ZC3H12B: variants seen among roughly 807,000 people sequenced by gnomAD.
The protein encoded by ZC3H12B is zinc finger CCCH-type containing 12B, also known as probable ribonuclease ZC3H12B.
A neutral mutation model predicts 43.9 loss-of-function variants in ZC3H12B; 7 were observed. That is an observed-to-expected ratio of 0.16 (90% confidence interval 0.09 to 0.30). The LOEUF is 0.30. ZC3H12B is among the 10% of genes least tolerant of loss of function. The probability of loss-of-function intolerance (pLI) is 1.00; values close to 1 mark genes in which losing one functional copy is unlikely to be tolerated. For synonymous variants in ZC3H12B, 222 were observed against 241.7 expected, an observed-to-expected ratio of 0.92 and a Z score of 0.76; for missense variants, 475 against 670.2, an observed-to-expected ratio of 0.71 and a Z score of 3.22.
intron 3 of ZC3H12B, among the ~76,000 whole-genome samples, chrX:65,454,250 C>T (rs1458916748): frequency 8.9e-6 from 1 of 112,269 alleles, no homozygotes; most frequent in Non-Finnish European, 1.9e-5. Context: ...GGGTGACAGA[C>T]AGCACCTGGA....
the ZC3H12B span, among the ~76,000 whole-genome samples, chrX:65,167,080 C>A: frequency 8.9e-6 from 1 of 111,862 alleles, no homozygotes. Flanking sequence ...GCTTTTGTTG[C>A]CGTTGCCTTT....
chrX:65,487,164 C>T (rs914505585), upstream of ZC3H12B, among the ~76,000 whole-genome samples: 7 of 112,798 alleles, frequency 6.2e-5, no homozygotes, highest in African/African-American at 2.3e-4. Context: ...ACGTTTGGCT[C>T]TGTTTCCAAA....
the ZC3H12B span, among the ~76,000 whole-genome samples, chrX:65,216,109 G>T: frequency 9.0e-6 from 1 of 111,410 alleles, no homozygotes; most frequent in Non-Finnish European, 1.9e-5. Flanking sequence ...CTCCCCACAG[G>T]AACATTGAAT....
chrX:65,385,856 G>T (rs774449442), intron 2 of ZC3H12B, among the ~76,000 whole-genome samples: 1 of 112,011 alleles, frequency 8.9e-6, no homozygotes, highest in South Asian at 3.7e-4. Context: ...TAGCATGAAG[G>T]GCTGCTGACT....
chrX:65,397,132 C>T (rs1196896622), intron 2 of ZC3H12B, among the ~76,000 whole-genome samples: 1 of 111,384 alleles, frequency 9.0e-6, no homozygotes, highest in Admixed American at 9.5e-5. Flanking sequence ...TACTGCACAC[C>T]GATGAGTCTT....
At chrX:65,153,550 G>A in the ZC3H12B span, among the ~76,000 whole-genome samples, 1 of 112,155 alleles carries the variant, frequency 8.9e-6, no homozygotes, top group Admixed American at 9.5e-5. Context: ...ACACCATTTA[G>A]AATGGCAATT....
the ZC3H12B span, among the ~76,000 whole-genome samples, chrX:65,287,743 G>T: frequency 9.0e-6 from 1 of 111,021 alleles, no homozygotes; most frequent in East Asian, 2.8e-4. Flanking sequence ...ATGTAACAAT[G>T]CACCTCAAGG....
the ZC3H12B span, among the ~76,000 whole-genome samples, chrX:65,207,836 G>A: frequency 6.2e-5 from 3 of 48,218 alleles, no homozygotes; most frequent in East Asian, 6.4e-4. Context: ...ATTTGTTTGT[G>A]TCCTCTTTTA....
chrX:65,387,966 G>A (rs2066553955), intron 2 of ZC3H12B, among the ~76,000 whole-genome samples: 1 of 111,645 alleles, frequency 9.0e-6, no homozygotes, highest in African/African-American at 3.3e-5. Context: ...TTGAATATTG[G>A]CCCCCACTCT....
chrX:65,428,204 A>AC (rs2067107979), intron 3 of ZC3H12B, among the ~76,000 whole-genome samples: 1 of 111,310 alleles, frequency 9.0e-6, no homozygotes, highest in African/African-American at 3.3e-5. Context: ...TTTTCCTTTC[A>AC]TTTCAACCTT....
At chrX:65,056,445 G>A in the ZC3H12B span, among the ~76,000 whole-genome samples, 1 of 111,751 alleles carries the variant, frequency 8.9e-6, no homozygotes, top group Non-Finnish European at 1.9e-5. Context: ...TTGCACTGTG[G>A]TCTCAGAGAC....
At chrX:65,148,178 G>A in the ZC3H12B span, among the ~76,000 whole-genome samples, 1 of 111,432 alleles carries the variant, frequency 9.0e-6, no homozygotes, top group Admixed American at 9.5e-5. Context: ...CCTGAGGCCA[G>A]GAGTGCCAAT....
chrX:65,462,232 C>T (rs969381880), intron 3 of ZC3H12B, among the ~76,000 whole-genome samples: 10 of 110,947 alleles, frequency 9.0e-5, no homozygotes, highest in East Asian at 2.8e-4. Context: ...ACTTCAAGGC[C>T]GGGCACGGTG....
At chrX:65,358,982 T>G in the ZC3H12B span, among the ~76,000 whole-genome samples, 1 of 111,727 alleles carries the variant, frequency 9.0e-6, no homozygotes, top group Non-Finnish European at 1.9e-5. Flanking sequence ...GACTTTAATT[T>G]GAAGCCAGTG....
At chrX:65,502,398 T>C in exon 5 of ZC3H12B, 1 of 1,211,375 alleles carries the variant, frequency 8.3e-7, no homozygotes, top group Non-Finnish European at 1.1e-6. Context: ...GAGTATTACA[T>C]GGCTGAAGTA....
At chrX:65,122,370 G>C in the ZC3H12B span, among the ~76,000 whole-genome samples, 2 of 110,977 alleles carry the variant, frequency 1.8e-5, no homozygotes, top group East Asian at 2.8e-4. Flanking sequence ...TGCCCTGAAA[G>C]AGCTCCTGAA....
the ZC3H12B span, among the ~76,000 whole-genome samples, chrX:65,109,873 T>C: frequency 2.7e-5 from 3 of 111,923 alleles, no homozygotes; most frequent in East Asian, 8.4e-4. Flanking sequence ...TATTATCATT[T>C]TGTTAATAGC....
the ZC3H12B span, among the ~76,000 whole-genome samples, chrX:65,329,882 G>T: frequency 0.12 from 13,698 of 110,080 alleles, 906 homozygotes; most frequent in Non-Finnish European, 0.19. Flanking sequence ...TATTTCTGAG[G>T]GCTCTGTTCT....
the ZC3H12B span, among the ~76,000 whole-genome samples, chrX:65,159,613 G>C: frequency 8.9e-6 from 1 of 111,978 alleles, no homozygotes; most frequent in African/African-American, 3.2e-5. Context: ...CATTGATTTT[G>C]TATCATGAGA....
Sources: gnomAD v4.1 joint callset for allele counts (sites outside exome capture counted in the v4.1 genomes callset) on GRCh38, gnomAD v4.1.1 for gene constraint, MANE v1.5 for transcripts, NCBI Gene and HGNC (gene_info 2026-07-23, HGNC 2026-07-21) for gene names.